NREP: variants seen among roughly 807,000 people sequenced by gnomAD.
The protein encoded by NREP is neuronal regeneration-related protein.
Under a neutral mutation model 8.6 loss-of-function variants are expected in NREP, and 5 were observed. The observed-to-expected ratio is 0.58, with a 90% CI of 0.30 to 1.22. The LOEUF (loss-of-function observed/expected upper bound fraction) is 1.22. Among genes scored for constraint, NREP ranks in the 50% most tolerant of loss-of-function variants. The pLI is 0.07. For missense variants in NREP, 86 were observed against 82.5 expected (o/e 1.04, Z -0.17); for synonymous variants, 27 against 28.0 (o/e 0.96, Z 0.11).
intron 2 of NREP, among the ~76,000 whole-genome samples, chr5:111,752,178 T>C (rs1307328228): frequency 1.3e-5 from 2 of 152,214 alleles, no homozygotes; most frequent in Admixed American, 6.5e-5. Flanking sequence ...ATTTACATCT[T>C]TTAAAGAACT....
intron 2 of NREP, among the ~76,000 whole-genome samples, chr5:111,928,930 A>G (rs1210340458): frequency 6.6e-6 from 1 of 152,192 alleles, no homozygotes; most frequent in Admixed American, 6.5e-5. Context: ...AAACAAACAA[A>G]AAAACCCTAG....
At chr5:111,855,833 C>A (rs184059653) in intron 2 of NREP, among the ~76,000 whole-genome samples, 1 of 151,770 alleles carries the variant, frequency 6.6e-6, no homozygotes, top group African/African-American at 2.4e-5. Context: ...TTCATGCAGG[C>A]GAAATCAGGT....
At chr5:111,743,420 GAATA>G (rs1160188841) in intron 2 of NREP, among the ~76,000 whole-genome samples, 7 of 152,102 alleles carry the variant, frequency 4.6e-5, no homozygotes, top group Non-Finnish European at 1.0e-4. Flanking sequence ...AGTGGAACCA[GAATA>G]AATATTTACT....
intron 2 of NREP, among the ~76,000 whole-genome samples, chr5:111,926,467 T>A (rs1158058637): frequency 2.6e-5 from 4 of 152,110 alleles, no homozygotes; most frequent in African/African-American, 9.7e-5. Context: ...AGCCTGTACA[T>A]AGGGACTTCA....
At chr5:111,819,397 A>G (rs1752465983) in intron 2 of NREP, among the ~76,000 whole-genome samples, 1 of 152,188 alleles carries the variant, frequency 6.6e-6, no homozygotes, top group Non-Finnish European at 1.5e-5. Context: ...GTCAGGAATA[A>G]GAACCCCTTC....
intron 2 of NREP, among the ~76,000 whole-genome samples, chr5:111,882,140 C>G (rs1411741902): frequency 1.3e-5 from 2 of 152,108 alleles, no homozygotes; most frequent in African/African-American, 4.8e-5. Context: ...CTTAAAGGAG[C>G]TGATGGAGCT....
At chr5:111,736,147 A>C (rs796359412) in intron 2 of NREP, among the ~76,000 whole-genome samples, 27 of 152,312 alleles carry the variant, frequency 1.8e-4, no homozygotes, top group African/African-American at 6.0e-4. Context: ...AAATATACAA[A>C]GGATGATTAG....
intron 2 of NREP, among the ~76,000 whole-genome samples, chr5:111,954,816 A>C (rs1756263225): frequency 6.6e-6 from 1 of 152,212 alleles, no homozygotes; most frequent in South Asian, 2.1e-4. Flanking sequence ...GTCAACATTA[A>C]ACAGTTTATT....
intron 2 of NREP, among the ~76,000 whole-genome samples, chr5:111,909,879 G>A (rs9784733): frequency 0.049 from 7,486 of 152,062 alleles, 313 homozygotes; most frequent in Admixed American, 0.1. Context: ...CTCTGCTGTC[G>A]CTGCATTATC....
intron 2 of NREP, among the ~76,000 whole-genome samples, chr5:111,858,299 A>C (rs1006601586): frequency 2.6e-5 from 4 of 152,020 alleles, no homozygotes; most frequent in Admixed American, 1.3e-4. Context: ...CCTCCCCTGC[A>C]GTAAGGTTTC....
chr5:111,806,785 G>A (rs955487197), intron 2 of NREP, among the ~76,000 whole-genome samples: 6 of 152,084 alleles, frequency 3.9e-5, no homozygotes, highest in Non-Finnish European at 8.8e-5. Flanking sequence ...GCCTTGTCTC[G>A]GAAATGAACT....
At chr5:111,773,446 T>C (rs1235876377) in intron 2 of NREP, among the ~76,000 whole-genome samples, 1 of 152,204 alleles carries the variant, frequency 6.6e-6, no homozygotes, top group Non-Finnish European at 1.5e-5. Context: ...TAGCAGCTAA[T>C]GTAATAGTCA....
chr5:111,804,953 A>T (rs1488348906), intron 2 of NREP, among the ~76,000 whole-genome samples: 1 of 152,194 alleles, frequency 6.6e-6, no homozygotes, highest in Non-Finnish European at 1.5e-5. Context: ...GTGAGCCGAG[A>T]TGGCGCCACT....
upstream of NREP, chr5:111,758,187 A>G (rs1462392289): frequency 3.0e-6 from 3 of 985,446 alleles, no homozygotes; most frequent in Admixed American, 6.1e-5. Context: ...GCGCCCCTGA[A>G]GGCCGGGCCC....
intron 2 of NREP, among the ~76,000 whole-genome samples, chr5:111,791,876 C>T (rs766271532): frequency 2.0e-5 from 3 of 152,158 alleles, no homozygotes; most frequent in Non-Finnish European, 4.4e-5. Flanking sequence ...TTCGAACTGC[C>T]TCTTTTATTG....
At chr5:111,887,075 C>T (rs1754278379) in intron 2 of NREP, among the ~76,000 whole-genome samples, 1 of 151,750 alleles carries the variant, frequency 6.6e-6, no homozygotes, top group Non-Finnish European at 1.5e-5. Flanking sequence ...AGGTGCATGC[C>T]ACTATGCCCA....
chr5:111,971,004 GTGTTCCGA>G (rs950158030), intron 2 of NREP, among the ~76,000 whole-genome samples: 9 of 152,038 alleles, frequency 5.9e-5, no homozygotes, highest in African/African-American at 1.9e-4. Flanking sequence ...GCATCCTTAG[GTGTTCCGA>G]TGTGATGTTG....
chr5:111,808,157 T>C (rs575830471), intron 2 of NREP, among the ~76,000 whole-genome samples: 3 of 152,380 alleles, frequency 2.0e-5, no homozygotes, highest in African/African-American at 7.2e-5. Flanking sequence ...TCTATAAGAA[T>C]GCACAAAGAT....
At chr5:111,887,853 G>T (rs1013938426) in intron 2 of NREP, among the ~76,000 whole-genome samples, 1 of 152,144 alleles carries the variant, frequency 6.6e-6, no homozygotes, top group Non-Finnish European at 1.5e-5. Context: ...ATTGGAAAAA[G>T]ACTTCCCACA....
Sources: allele counts gnomAD v4.1 joint callset (sites outside exome capture counted in the v4.1 genomes callset), GRCh38; gene constraint gnomAD v4.1.1; transcripts MANE v1.5; gene names NCBI Gene and HGNC (gene_info 2026-07-23, HGNC 2026-07-21).